TPH2: variants seen among roughly 807,000 people sequenced by gnomAD.
TPH2 encodes the protein tryptophan hydroxylase 2.
In TPH2, 27 loss-of-function variants were observed where a neutral mutation model predicts 59.1. The ratio of observed to expected loss-of-function variants is 0.46; its 90% CI spans 0.34 to 0.63. The LOEUF is 0.63. Ranked by LOEUF, TPH2 falls within the 30% of genes least tolerant of loss-of-function variation. The probability of loss-of-function intolerance (pLI) is 0.01; values close to 1 mark genes in which losing one functional copy is unlikely to be tolerated. For synonymous variants in TPH2, 220 were observed against 210.5 expected (o/e 1.05, Z -0.39); for missense variants, 523 against 588.3 (o/e 0.89, Z 1.15).
chr12:71,989,487 T>A (rs1420954229), intron 7 of TPH2, among the ~76,000 whole-genome samples: 2 of 152,226 alleles, frequency 1.3e-5, no homozygotes, highest in Non-Finnish European at 2.9e-5. Flanking sequence ...CCTCTGCCAC[T>A]CATCTCCCTT....
intron 7 of TPH2, among the ~76,000 whole-genome samples, chr12:71,984,145 A>G (rs549155882): frequency 3.9e-5 from 6 of 152,326 alleles, no homozygotes; most frequent in African/African-American, 1.2e-4. Flanking sequence ...GCCATAATAC[A>G]ATGAAATACA....
At chr12:72,022,553 A>G (rs1873448667) in intron 9 of TPH2, 59 bp downstream of exon 9, 1 of 1,246,742 alleles carries the variant, frequency 8.0e-7, no homozygotes, top group Non-Finnish European at 1.2e-6. Flanking sequence ...GTCAGGGAAA[A>G]TATTGATTTG....
intron 7 of TPH2, among the ~76,000 whole-genome samples, chr12:71,982,958 T>TTTTAAAGTTTAAAGTTTACAG (rs1872326426): frequency 6.6e-6 from 1 of 152,212 alleles, no homozygotes; most frequent in South Asian, 2.1e-4. Context: ...CATTTTACAG[T>TTTTAAAGTTTAAAGTTTACAG]TTTAAAGACT....
At position 71,938,885 on chromosome 12, in the gene TPH2, G is replaced by T; in HGVS notation, c.-102G>T. ...ACCAGGGTTCTGGACAGCGCCCCAA[G>T]CAGGCAGCTGATCGCACGCCCCTTC... On this transcript the variant is annotated 5_prime_UTR_variant, in exon 1 of 11. Transcript: ENST00000333850. 1.0e-6 allele frequency: 1 copy of T among 980,600 alleles called. No homozygotes were observed. Among genetic ancestry groups the T allele is most frequent in the Non-Finnish European group, 1.6e-6 (1 of 613,282 alleles). The allele number at this position is 980,600 out of a possible 1,614,324, so 60.7% of individuals were successfully genotyped here.
intron 5 of TPH2, among the ~76,000 whole-genome samples, chr12:71,954,456 TC>T (rs1871438449): frequency 2.0e-5 from 3 of 151,888 alleles, no homozygotes. Context: ...ATGCCTCTCC[TC>T]CCCCGCCCAA....
chr12:72,001,640 A>T (rs754117826), intron 8 of TPH2, among the ~76,000 whole-genome samples: 1 of 151,778 alleles, frequency 6.6e-6, no homozygotes, highest in Non-Finnish European at 1.5e-5. Context: ...CTGGTCTCGA[A>T]CTCCTAACCT....
chr12:71,998,989 A>G (rs951999647), intron 8 of TPH2, among the ~76,000 whole-genome samples: 2 of 152,216 alleles, frequency 1.3e-5, no homozygotes, highest in Non-Finnish European at 2.9e-5. Flanking sequence ...ACTTATGAAA[A>G]AGAGAGTCAT....
At chr12:71,956,820 G>C (rs979463315) in intron 5 of TPH2, among the ~76,000 whole-genome samples, 3 of 152,066 alleles carry the variant, frequency 2.0e-5, no homozygotes, top group Admixed American at 6.6e-5. Flanking sequence ...GTGTTGCCCA[G>C]GCTGGTCTCA....
At chr12:71,950,096 T>C (rs944222002) in intron 5 of TPH2, among the ~76,000 whole-genome samples, 3 of 152,192 alleles carry the variant, frequency 2.0e-5, no homozygotes, top group African/African-American at 7.2e-5. Flanking sequence ...TTGTTTTACA[T>C]GGAGAGGAAA....
chr12:72,031,877 G>C lies in TPH2; in HGVS notation c.*182G>C. 1 of 679,542 alleles carries C rather than the reference G, an allele frequency of 1.5e-6. No individual in the cohort carries two copies. Among genetic ancestry groups the C allele is most frequent in the South Asian group, 1.7e-5 (1 of 59,128 alleles). 42.1% of individuals were successfully genotyped at this position (679,542 alleles called of 1,614,324 possible). A position where few individuals can be genotyped will look rare whatever the true frequency, so the allele number is the denominator to read the frequency against. On this transcript the variant is annotated 3_prime_UTR_variant, in exon 11 of 11. Coordinates refer to ENST00000333850, the MANE Select transcript of TPH2 (RefSeq NM_173353.4). The stretch of plus-strand genomic sequence containing the variant: ...ATAAAGCACCATAAGAAATCCAATG[G>C]CAGATAACCACTCATTGTATGAAAT...
At chr12:71,976,228 A>C (rs115147841) in intron 6 of TPH2, among the ~76,000 whole-genome samples, 3 of 152,198 alleles carry the variant, frequency 2.0e-5, no homozygotes, top group Non-Finnish European at 4.4e-5. Context: ...GATATACCTT[A>C]AAGGCCTAAT....
In TPH2 at chr12:71,941,727, C is replaced by G. The variant is rs1318626178; in HGVS notation, c.249C>G (p.Leu83=). 6.2e-7 allele frequency: 1 copy of G among 1,613,818 alleles called. No homozygotes were observed. Among genetic ancestry groups the G allele is most frequent in the Non-Finnish European group, 8.5e-7 (1 of 1,179,846 alleles). Residue 83 remains leucine (L), a synonymous_variant, in exon 2 of 11, where the codon CTC becomes CTG. Transcript: ENST00000333850. ...GTGGATTGGTAAAAGCACTGAGGCT[C>G]TTTCAGGTGAATGTGAAATATCATT... The part of the protein sequence containing the change: ...EVGGLVKALR[L]FQEKRVNMVH...
At chr12:72,008,956 T>C (rs948914797) in intron 8 of TPH2, among the ~76,000 whole-genome samples, 2 of 152,180 alleles carry the variant, frequency 1.3e-5, no homozygotes, top group South Asian at 4.1e-4. Context: ...TGCATGTGTG[T>C]GTGTGTGTAT....
At chr12:72,010,876 G>A (rs1376341877) in intron 8 of TPH2, among the ~76,000 whole-genome samples, 1 of 152,208 alleles carries the variant, frequency 6.6e-6, no homozygotes, top group Admixed American at 6.5e-5. Context: ...GCCAAAGGAT[G>A]AATGGCTGAG....
intron 7 of TPH2, among the ~76,000 whole-genome samples, chr12:71,982,032 T>TTTTTTTTTTTTTTTTTTTTTTTTTG (rs71071810): frequency 1.4e-5 from 2 of 144,340 alleles, no homozygotes; most frequent in African/African-American, 2.6e-5. Context: ...TTTTTTTTTT[T>TTTTTTTTTTTTTTTTTTTTTTTTTG]AGACAGAGTC....
At chr12:72,011,173 A>G in intron 8 of TPH2, among the ~76,000 whole-genome samples, 1 of 152,216 alleles carries the variant, frequency 6.6e-6, no homozygotes, top group East Asian at 1.9e-4. Flanking sequence ...AACTGCTTTA[A>G]AAGAAGAGCC....
chr12:71,948,778 G>T (rs1379340993), intron 4 of TPH2, among the ~76,000 whole-genome samples: 1 of 152,200 alleles, frequency 6.6e-6, no homozygotes, highest in Non-Finnish European at 1.5e-5. Context: ...CCAACAGCTA[G>T]AAGAAACAAC....
At chr12:72,005,368 C>A (rs928906989) in intron 8 of TPH2, among the ~76,000 whole-genome samples, 2 of 144,214 alleles carry the variant, frequency 1.4e-5, no homozygotes, top group South Asian at 2.3e-4. Flanking sequence ...ACCTCTTTTC[C>A]TCTTTCTTAT....
intron 5 of TPH2, among the ~76,000 whole-genome samples, chr12:71,960,097 T>C (rs1181074632): frequency 1.3e-5 from 2 of 152,202 alleles, no homozygotes; most frequent in Non-Finnish European, 2.9e-5. Flanking sequence ...CACTAGTTGT[T>C]GATGCTTTAA....
Sources: allele counts gnomAD v4.1 joint callset (sites outside exome capture counted in the v4.1 genomes callset), GRCh38; gene constraint gnomAD v4.1.1; transcripts MANE v1.5; gene names NCBI Gene and HGNC (gene_info 2026-07-23, HGNC 2026-07-21).